Variants in PMP22 observed in about 807,000 individuals in gnomAD.
The protein encoded by PMP22 is Charcot-Marie-Tooth neuropathy 1A (greatly reduced nerve conduction velocity, hereditary motor sensory neuropathy Ia).
In PMP22, 2 loss-of-function variants were observed where a neutral mutation model predicts 18.9. That is an observed-to-expected ratio of 0.11 (90% CI 0.04 to 0.33). The LOEUF is 0.33. PMP22 is among the 10% of genes least tolerant of loss of function. The pLI, the probability that PMP22 is intolerant of heterozygous loss-of-function variation, is 1.00. For synonymous variants in PMP22, 95 were observed against 89.2 expected (o/e 1.07, Z -0.37); for missense variants, 169 against 202.2 (o/e 0.84, Z 1.00).
Position 15,247,296 on chromosome 17 carries a change from G to T in PMP22, c.179-7685C>A, listed in dbSNP as rs77316507. Among the ~76,000 whole-genome samples, 57 of 151,502 alleles carry T rather than the reference G, an allele frequency of 3.8e-4. No individual in the cohort carries two copies. In the East Asian group the frequency reaches 0.011, roughly 28 times the overall value. The stretch of plus-strand genomic sequence containing the variant: ...AGGCAGGAGAATGGTGTGAACCCGG[G>T]AGGTGGAGCTTGCAGTGAGCCGAGA... On this transcript the variant is annotated intron_variant, in intron 3 of 4. Transcript: ENST00000312280.
intron 3 of PMP22, among the ~76,000 whole-genome samples, chr17:15,240,322 T>A (rs1907211037): frequency 6.6e-6 from 1 of 152,100 alleles, no homozygotes; most frequent in Non-Finnish European, 1.5e-5. Context: ...CCAAAGTAAT[T>A]TTTTGGAAGA....
At chr17:15,249,595 G>A (rs922843262) in intron 3 of PMP22, among the ~76,000 whole-genome samples, 5 of 152,188 alleles carry the variant, frequency 3.3e-5, no homozygotes, top group Non-Finnish European at 7.3e-5. Flanking sequence ...CTTATTCTCT[G>A]CTCATCAGCC....
chr17:15,231,613 G>A (rs1425053570), intron 4 of PMP22, among the ~76,000 whole-genome samples: 2 of 152,204 alleles, frequency 1.3e-5, no homozygotes, highest in African/African-American at 4.8e-5. Context: ...CCACATACCA[G>A]GTGAAGCAAG....
At chr17:15,264,560 C>T (rs936267894) in intron 1 of PMP22, among the ~76,000 whole-genome samples, 1 of 152,222 alleles carries the variant, frequency 6.6e-6, no homozygotes, top group African/African-American at 2.4e-5. Context: ...AATACACATA[C>T]AGAAAAGTGC....
intron 3 of PMP22, among the ~76,000 whole-genome samples, chr17:15,252,411 C>CTGT (rs1908440269): frequency 6.6e-6 from 1 of 151,392 alleles, no homozygotes; most frequent in African/African-American, 2.4e-5. Context: ...GCTGCTGCTG[C>CTGT]TGCTGCTGCT....
chr17:15,242,407 A>T (rs1053520498), intron 3 of PMP22, among the ~76,000 whole-genome samples: 2 of 152,032 alleles, frequency 1.3e-5, no homozygotes, highest in African/African-American at 4.8e-5. Context: ...TTAATAATAA[A>T]AAATAGAACT....
intron 3 of PMP22, among the ~76,000 whole-genome samples, chr17:15,250,544 A>G (rs1271618255): frequency 6.6e-6 from 1 of 152,154 alleles, no homozygotes; most frequent in African/African-American, 2.4e-5. Flanking sequence ...CCTGATTTCT[A>G]CACCTTCCCG....
At chr17:15,231,422 T>A (rs1378878696) in intron 4 of PMP22, among the ~76,000 whole-genome samples, 1 of 152,124 alleles carries the variant, frequency 6.6e-6, no homozygotes, top group Non-Finnish European at 1.5e-5. Context: ...CCTGTCTCTT[T>A]CCAAGGGTGG....
intron 4 of PMP22, among the ~76,000 whole-genome samples, chr17:15,234,825 T>C (rs62070861): frequency 1.3e-5 from 2 of 151,030 alleles, no homozygotes; most frequent in Non-Finnish European, 3.0e-5. Context: ...TTTTTTTTTT[T>C]CCTAGAGAGG....
chr17:15,257,916 C>T (rs1208899261), intron 3 of PMP22, among the ~76,000 whole-genome samples: 2 of 152,102 alleles, frequency 1.3e-5, no homozygotes, highest in African/African-American at 4.8e-5. Context: ...TACTGTGGTT[C>T]AAGGAATTTG....
chr17:15,264,234 A>G (rs8069833), intron 1 of PMP22, among the ~76,000 whole-genome samples: 2,283 of 42,608 alleles, frequency 0.054, 28 homozygotes, highest in Middle Eastern at 0.14. Context: ...AGGTAGGTAG[A>G]TAGATAGATA....
chr17:15,231,591 C>G (rs777444450), intron 4 of PMP22, among the ~76,000 whole-genome samples: 4 of 152,180 alleles, frequency 2.6e-5, no homozygotes, highest in Non-Finnish European at 5.9e-5. Flanking sequence ...TATGGTCCCC[C>G]TAACAGAGTT....
chr17:15,244,448 C>A (rs933292864), intron 3 of PMP22, among the ~76,000 whole-genome samples: 4 of 152,068 alleles, frequency 2.6e-5, no homozygotes, highest in Non-Finnish European at 4.4e-5. Context: ...ACACCTCTAG[C>A]GTAATGACAC....
chr17:15,232,201 T>A (rs1380347261), intron 4 of PMP22, among the ~76,000 whole-genome samples: 1 of 152,072 alleles, frequency 6.6e-6, no homozygotes, highest in Admixed American at 6.6e-5. Context: ...ACACTGCAAC[T>A]TTGTTTGAAG....
At chr17:15,257,522 C>T (rs1567716887) in intron 3 of PMP22, among the ~76,000 whole-genome samples, 1 of 152,320 alleles carries the variant, frequency 6.6e-6, no homozygotes, top group East Asian at 1.9e-4. Flanking sequence ...CTTGTAACCA[C>T]CAGGTGTCAG....
Position 15,238,743 on chromosome 17 carries a change from T to C in PMP22, c.319+728A>G, listed in dbSNP as rs555015005. ...GACAAAGTTGGAAGATGTCACCCTG[T>C]GTAACAGAAGTTTCTAGGACTCTGC... On this transcript the variant is annotated intron_variant, in intron 4 of 4. Coordinates refer to ENST00000312280, the MANE Select transcript of PMP22 (RefSeq NM_000304.4). Among the ~76,000 whole-genome samples the C allele has an allele frequency of 2.6e-5, 4 of 152,326 alleles. No homozygotes were observed. The East Asian group carries it at 7.7e-4, about 29-fold the overall frequency.
intron 1 of PMP22, 186 bp from the exon 2 acceptor site, chr17:15,260,947 G>C (rs1909287574): frequency 5.3e-6 from 2 of 377,784 alleles, no homozygotes; most frequent in Non-Finnish European, 4.6e-6. Flanking sequence ...CCGCCTGCAG[G>C]ACCAGCGCCC....
chr17:15,232,123 C>T (rs1238416217), intron 4 of PMP22, among the ~76,000 whole-genome samples: 1 of 151,912 alleles, frequency 6.6e-6, no homozygotes, highest in Non-Finnish European at 1.5e-5. Context: ...TCCCAATGCA[C>T]CCGCGCCCCC....
chr17:15,254,306 G>A (rs549782567), intron 3 of PMP22, among the ~76,000 whole-genome samples: 1 of 152,284 alleles, frequency 6.6e-6, no homozygotes, highest in East Asian at 1.9e-4. Context: ...AAGGGTTCAG[G>A]CAAACTAGTT....
Sources: gnomAD v4.1 joint callset for allele counts (sites outside exome capture counted in the v4.1 genomes callset) on GRCh38, gnomAD v4.1.1 for gene constraint, MANE v1.5 for transcripts, NCBI Gene and HGNC (gene_info 2026-07-23, HGNC 2026-07-21) for gene names.